Variants in SUPT3H observed in about 807,000 individuals in gnomAD.
The protein encoded by SUPT3H is transcription initiation protein SPT3 homolog.
Under a neutral mutation model 44.3 loss-of-function variants are expected in SUPT3H, and 44 were observed. That is an observed-to-expected ratio of 0.99 (90% confidence interval 0.78 to 1.28). SUPT3H has a LOEUF of 1.28. Among genes scored for constraint, SUPT3H ranks in the 50% most tolerant of loss-of-function variants. The probability of loss-of-function intolerance (pLI) is 0.00; values close to 1 mark genes in which losing one functional copy is unlikely to be tolerated. For synonymous variants in SUPT3H, 124 were observed against 125.6 expected, an observed-to-expected ratio of 0.99 and a Z score of 0.09; for missense variants, 380 against 387.1, an observed-to-expected ratio of 0.98 and a Z score of 0.15.
intron 2 of SUPT3H, among the ~76,000 whole-genome samples, chr6:45,148,441 T>C (rs1806435162): frequency 6.6e-6 from 1 of 152,136 alleles, no homozygotes; most frequent in South Asian, 2.1e-4. Flanking sequence ...AGGGAACAAT[T>C]TGAGCATAAC....
intron 2 of SUPT3H, among the ~76,000 whole-genome samples, chr6:45,348,985 T>C (rs1791490603): frequency 6.6e-6 from 1 of 152,164 alleles, no homozygotes; most frequent in African/African-American, 2.4e-5. Flanking sequence ...GCACACCACA[T>C]GTACTTAGTA....
chr6:45,139,852 A>G (rs1488979387), intron 2 of SUPT3H, among the ~76,000 whole-genome samples: 6 of 152,138 alleles, frequency 3.9e-5, no homozygotes, highest in Non-Finnish European at 5.9e-5. Context: ...GAAGCTTCCC[A>G]CTGAAATTTG....
intron 2 of SUPT3H, among the ~76,000 whole-genome samples, chr6:45,109,547 T>C (rs1384097979): frequency 2.0e-5 from 3 of 152,200 alleles, no homozygotes; most frequent in Non-Finnish European, 4.4e-5. Context: ...AGTAAGTACC[T>C]AAATTAGTTA....
rs186991787 is a variant in SUPT3H at position 44,921,336 on chromosome 6, A to G, written c.912+11317T>C. ...TCTATCAGGAAGGCATGTACTTTGGATTGTTTTTCTAGCAGTGGTGGGTGA... is the reference window on the plus strand; with the variant it reads ...TCTATCAGGAAGGCATGTACTTTGGGTTGTTTTTCTAGCAGTGGTGGGTGA... On this transcript the variant is annotated intron_variant, in intron 10 of 10. Coordinates refer to ENST00000371459, the MANE Select transcript of SUPT3H (RefSeq NM_003599.4). Among the ~76,000 whole-genome samples the G allele has an allele frequency of 8.5e-5, 13 of 152,314 alleles. No homozygotes were observed. In the East Asian group the frequency reaches 1.7e-3, roughly 20 times the overall value.
At position 45,343,837 on chromosome 6, in the gene SUPT3H, C is replaced by G. The variant is rs565636691; in HGVS notation, c.101+21364G>C. On this transcript the variant is annotated intron_variant, in intron 2 of 10. Transcript: ENST00000371459. ...AAAACCATTTGGCTCCAACTACTCA[C>G]CTTCTAGGTGCTTAAAATCATGCTT... 3.3e-5 allele frequency among the ~76,000 whole-genome samples: 5 copies of G among 152,310 alleles called. No homozygotes were observed. The East Asian group carries it at 9.6e-4, about 29-fold the overall frequency.
chr6:45,303,885 C>T (rs1448251597), intron 2 of SUPT3H, among the ~76,000 whole-genome samples: 2 of 151,082 alleles, frequency 1.3e-5, no homozygotes, highest in East Asian at 2.0e-4. Context: ...CCCAGCTACT[C>T]GGGAAGCTGA....
At chr6:44,944,762 CAAAAAAAAAAA>C (rs57506313) in intron 9 of SUPT3H, among the ~76,000 whole-genome samples, 6 of 29,884 alleles carry the variant, frequency 2.0e-4, no homozygotes, top group African/African-American at 4.8e-4. Context: ...ACCCTCTCTC[CAAAAAAAAAAA>C]AAAAAAAAAA....
At chr6:45,023,720 T>C (rs1450814496) in intron 3 of SUPT3H, among the ~76,000 whole-genome samples, 1 of 63,426 alleles carries the variant, frequency 1.6e-5, no homozygotes, top group African/African-American at 7.0e-5. Flanking sequence ...TGAGCACTTA[T>C]GAACACAAAA....
intron 9 of SUPT3H, among the ~76,000 whole-genome samples, chr6:44,938,395 T>C (rs968383694): frequency 6.6e-6 from 1 of 152,156 alleles, no homozygotes; most frequent in African/African-American, 2.4e-5. Context: ...AATACATGGT[T>C]TTATTTCTGG....
In SUPT3H at chr6:45,135,590, C is replaced by T. The variant is rs76640853; in HGVS notation, c.102-29584G>A. On this transcript the variant is annotated intron_variant, in intron 2 of 10. Transcript: ENST00000371459. ...GGGCATGGACACAACTTAGCTAAGTCCTTTGCTAATTTATAACAAGGATAG... is the reference window on the plus strand; with the variant it reads ...GGGCATGGACACAACTTAGCTAAGTTCTTTGCTAATTTATAACAAGGATAG... 4.1e-3 allele frequency among the ~76,000 whole-genome samples: 625 copies of T among 152,286 alleles called. 6 individuals are homozygous for T. Among genetic ancestry groups the T allele is most frequent in the African/African-American group, 0.014 (586 of 41,562 alleles).
At chr6:45,178,319 G>A (rs1010901106) in intron 2 of SUPT3H, among the ~76,000 whole-genome samples, 7 of 151,336 alleles carry the variant, frequency 4.6e-5, no homozygotes, top group Admixed American at 3.3e-4. Flanking sequence ...AAAGAGACAA[G>A]GCCATTACAT....
intron 10 of SUPT3H, among the ~76,000 whole-genome samples, chr6:44,906,546 G>A (rs533258981): frequency 1.3e-5 from 2 of 152,102 alleles, no homozygotes; most frequent in African/African-American, 2.4e-5. Context: ...GGCGGATCAC[G>A]AGGTCAGGAG....
intron 7 of SUPT3H, among the ~76,000 whole-genome samples, chr6:44,956,412 A>C (rs1775180486): frequency 1.4e-5 from 2 of 143,026 alleles, no homozygotes; most frequent in Non-Finnish European, 1.5e-5. Flanking sequence ...TGAAACCGGA[A>C]GGTGGAGGTT....
chr6:45,168,000 G>A (rs187137006), intron 2 of SUPT3H, among the ~76,000 whole-genome samples: 4 of 152,038 alleles, frequency 2.6e-5, no homozygotes, highest in Middle Eastern at 3.4e-3. Flanking sequence ...TAGTAGAGAC[G>A]GGGTTTCTCT....
intron 2 of SUPT3H, among the ~76,000 whole-genome samples, chr6:45,228,011 G>C (rs1461433298): frequency 1.3e-5 from 2 of 152,066 alleles, no homozygotes; most frequent in East Asian, 3.8e-4. Flanking sequence ...ATAATGATCT[G>C]TTGCCAATAT....
intron 4 of SUPT3H, among the ~76,000 whole-genome samples, chr6:45,018,401 G>C (rs1449660055): frequency 3.3e-5 from 5 of 150,938 alleles, no homozygotes; most frequent in Admixed American, 2.0e-4. Context: ...GGAGTGGTGA[G>C]AGAGGGCATC....
chr6:45,242,384 T>C (rs918831256), intron 2 of SUPT3H, among the ~76,000 whole-genome samples: 2 of 152,170 alleles, frequency 1.3e-5, no homozygotes, highest in East Asian at 3.9e-4. Flanking sequence ...AAGTCTCCAC[T>C]GATGTCCCCT....
chr6:45,027,826 A>T (rs542622357), intron 3 of SUPT3H, among the ~76,000 whole-genome samples: 11 of 152,244 alleles, frequency 7.2e-5, no homozygotes, highest in African/African-American at 2.7e-4. Flanking sequence ...TAGATTAAAA[A>T]TAATTTTCCC....
chr6:44,976,193 G>T (rs986065130), intron 6 of SUPT3H, among the ~76,000 whole-genome samples: 3 of 152,032 alleles, frequency 2.0e-5, no homozygotes, highest in Non-Finnish European at 4.4e-5. Flanking sequence ...AGAATGCCAA[G>T]ATTTAGTCAC....
Sources: allele counts gnomAD v4.1 joint callset (sites outside exome capture counted in the v4.1 genomes callset), GRCh38; gene constraint gnomAD v4.1.1; transcripts MANE v1.5; gene names NCBI Gene and HGNC (gene_info 2026-07-23, HGNC 2026-07-21).